Variants in SLC12A8 observed in about 807,000 individuals in gnomAD.
The protein encoded by SLC12A8 is solute carrier family 12 member 8.
In SLC12A8, 69 loss-of-function variants were observed where a neutral mutation model predicts 75.6. The ratio of observed to expected loss-of-function variants is 0.91; its 90% CI spans 0.75 to 1.11. The LOEUF (loss-of-function observed/expected upper bound fraction) is 1.11. SLC12A8 is among the 50% of genes most tolerant of loss of function. The pLI is 0.00. For missense variants in SLC12A8, 877 were observed against 896.7 expected (o/e 0.98, Z 0.28); for synonymous variants, 365 against 372.8 (o/e 0.98, Z 0.24).
intron 5 of SLC12A8, 86 bp from the exon 6 acceptor site, chr3:125,135,868 C>A: frequency 2.7e-6 from 2 of 737,704 alleles, no homozygotes; most frequent in South Asian, 4.8e-5. Context: ...TTTCATATAT[C>A]GCTTTAAATA....
chr3:125,098,724 G>T (rs1163954621), intron 10 of SLC12A8, among the ~76,000 whole-genome samples: 2 of 152,166 alleles, frequency 1.3e-5, no homozygotes, highest in African/African-American at 2.4e-5. Flanking sequence ...AAACATGAAA[G>T]CCTGTAGCCT....
intron 3 of SLC12A8, among the ~76,000 whole-genome samples, chr3:125,188,051 C>T (rs1232213350): frequency 6.6e-6 from 1 of 152,090 alleles, no homozygotes; most frequent in Non-Finnish European, 1.5e-5. Context: ...AATCTCATGT[C>T]GAAATGTGAT....
At chr3:125,144,559 C>T (rs1222314789) in intron 5 of SLC12A8, among the ~76,000 whole-genome samples, 3 of 152,192 alleles carry the variant, frequency 2.0e-5, no homozygotes, top group African/African-American at 7.2e-5. Context: ...ATGCACTCTC[C>T]CTCCTGCCAG....
At chr3:125,152,907 C>T (rs1933962480) in intron 5 of SLC12A8, among the ~76,000 whole-genome samples, 1 of 152,136 alleles carries the variant, frequency 6.6e-6, no homozygotes, top group Non-Finnish European at 1.5e-5. Flanking sequence ...CAAAGCCTAC[C>T]TCCTGGCACC....
rs530013584 is a variant in SLC12A8, at chr3:125,136,507, A to G, written c.623-725T>C. On this transcript the variant is annotated intron_variant, in intron 5 of 13. Coordinates refer to ENST00000469902, the MANE Select transcript of SLC12A8 (RefSeq NM_024628.6). The stretch of plus-strand genomic sequence containing the variant: ...TCTGGCCACAGTAGGACTTTCCCCA[A>G]CTAAACTCCTTGAGGCATGAAATCC... 1.1e-4 allele frequency among the ~76,000 whole-genome samples: 17 copies of G among 152,200 alleles called. No homozygotes were observed. The South Asian group carries it at 2.7e-3, about 24-fold the overall frequency.
chr3:125,115,704 T>C (rs1320182969), intron 8 of SLC12A8, among the ~76,000 whole-genome samples: 3 of 151,858 alleles, frequency 2.0e-5, no homozygotes, highest in Non-Finnish European at 2.9e-5. Flanking sequence ...TTGAAGATAA[T>C]TGTTCTGGCA....
At chr3:125,202,162 G>A (rs1254885185) in intron 2 of SLC12A8, among the ~76,000 whole-genome samples, 4 of 152,162 alleles carry the variant, frequency 2.6e-5, no homozygotes, top group South Asian at 2.1e-4. Flanking sequence ...TGCTCACCTC[G>A]GCCTCCCAAA....
At chr3:125,209,124 T>C (rs6438883) in intron 2 of SLC12A8, among the ~76,000 whole-genome samples, 74,461 of 151,988 alleles carry the variant, frequency 0.49, 19,313 homozygotes, top group African/African-American at 0.64. Context: ...TCTTGAGGGC[T>C]AGCCACTCCT....
At chr3:125,105,738 G>T (rs944567568) in intron 10 of SLC12A8, among the ~76,000 whole-genome samples, 1 of 152,178 alleles carries the variant, frequency 6.6e-6, no homozygotes, top group Non-Finnish European at 1.5e-5. Context: ...GCATATAAGA[G>T]TTAAATCCAG....
At chr3:125,120,826 AGGCTGCTTTTCAATCTCCCCT>A in intron 6 of SLC12A8, 140 bp from the exon 7 acceptor site, 1 of 725,688 alleles carries the variant, frequency 1.4e-6, no homozygotes, top group Non-Finnish European at 2.5e-6. Context: ...CTCTGCGCAT[AGGCTGCTTTTCAATCTCCCCT>A]GGCAACTAGG....
At chr3:125,169,398 G>C (rs1934359451) in intron 5 of SLC12A8, among the ~76,000 whole-genome samples, 1 of 152,134 alleles carries the variant, frequency 6.6e-6, no homozygotes, top group Non-Finnish European at 1.5e-5. Flanking sequence ...AGGCTGCCAG[G>C]CTGCAGATCA....
At chr3:125,183,152 T>C (rs1277942570) in intron 4 of SLC12A8, among the ~76,000 whole-genome samples, 3 of 152,100 alleles carry the variant, frequency 2.0e-5, no homozygotes, top group African/African-American at 7.2e-5. Context: ...TGCCCAGCCT[T>C]CCCTAGAGCA....
intron 5 of SLC12A8, among the ~76,000 whole-genome samples, chr3:125,165,338 A>G (rs988871358): frequency 6.6e-6 from 1 of 152,218 alleles, no homozygotes; most frequent in Non-Finnish European, 1.5e-5. Flanking sequence ...GAGGCCAGAA[A>G]ACAAACAGTC....
intron 5 of SLC12A8, among the ~76,000 whole-genome samples, chr3:125,172,788 G>A (rs1326938614): frequency 1.3e-5 from 2 of 152,146 alleles, no homozygotes; most frequent in South Asian, 2.1e-4. Context: ...ATACATTTCA[G>A]GATTGTTTGG....
In SLC12A8 at chr3:125,197,659, A is replaced by G. The variant is rs1013215812; in HGVS notation, c.52-7138T>C. 4.6e-5 allele frequency among the ~76,000 whole-genome samples: 7 copies of G among 152,222 alleles called. No individual in the cohort carries two copies. In the South Asian group the frequency reaches 1.4e-3, roughly 32 times the overall value. Reference sequence around the variant, plus strand: ...GTGGACCTGGAGGCTGAGGGCTGGAAGAGCAACTGGAATTGCTGTAGTGCC... The same window carrying G: ...GTGGACCTGGAGGCTGAGGGCTGGAGGAGCAACTGGAATTGCTGTAGTGCC... On this transcript the variant is annotated intron_variant, in intron 2 of 13. Transcript: ENST00000469902.
At chr3:125,094,273 AT>A (rs1159042413) in intron 10 of SLC12A8, among the ~76,000 whole-genome samples, 2 of 152,088 alleles carry the variant, frequency 1.3e-5, no homozygotes, top group Non-Finnish European at 2.9e-5. Context: ...TTTGATTTCC[AT>A]CACCTACCTC....
At chr3:125,130,971 G>C (rs1933341566) in intron 6 of SLC12A8, among the ~76,000 whole-genome samples, 1 of 152,228 alleles carries the variant, frequency 6.6e-6, no homozygotes, top group Non-Finnish European at 1.5e-5. Flanking sequence ...TGCTAACCTG[G>C]TATCTTGGCC....
chr3:125,099,768 A>C (rs552370592), intron 10 of SLC12A8, among the ~76,000 whole-genome samples: 2 of 152,242 alleles, frequency 1.3e-5, no homozygotes, highest in African/African-American at 4.8e-5. Flanking sequence ...ATCTCTACTA[A>C]AAATAAAAAA....
chr3:125,193,906 C>G (rs2107798152), intron 2 of SLC12A8, among the ~76,000 whole-genome samples: 1 of 152,284 alleles, frequency 6.6e-6, no homozygotes, highest in East Asian at 1.9e-4. Flanking sequence ...AGGTCTGGTC[C>G]CAACCATGGG....
Sources: allele counts gnomAD v4.1 joint callset (sites outside exome capture counted in the v4.1 genomes callset), GRCh38; gene constraint gnomAD v4.1.1; transcripts MANE v1.5; gene names NCBI Gene and HGNC (gene_info 2026-07-23, HGNC 2026-07-21).